AP3D1: variants seen among roughly 807,000 people sequenced by gnomAD.
AP3D1 encodes AP-3 complex subunit delta-1.
A neutral mutation model predicts 147.6 loss-of-function variants in AP3D1; 51 were observed. That is an observed-to-expected ratio of 0.35 (90% CI 0.28 to 0.44). The LOEUF (loss-of-function observed/expected upper bound fraction) is 0.44, where lower values mean the gene tolerates loss of function less well. AP3D1 is among the 20% of genes least tolerant of loss of function. The pLI is 1.00. For missense variants in AP3D1, 1,421 were observed against 1,624.2 expected (o/e 0.87, Z 2.15); for synonymous variants, 760 against 663.0 (o/e 1.15, Z -2.25).
At chr19:2,120,746 G>A (rs1197215933) in intron 14 of AP3D1, 116 bp downstream of exon 14, 15 of 1,038,562 alleles carry the variant, frequency 1.4e-5, no homozygotes, top group African/African-American at 3.2e-5. Context: ...CCTGCAAGAC[G>A]GCCGGGGTGG....
intron 8 of AP3D1, among the ~76,000 whole-genome samples, chr19:2,128,482 ACACTGCACCCCGTGGAGCCGGCCCG>A (rs1568294667): frequency 0.013 from 1,266 of 95,650 alleles, 5 homozygotes; most frequent in Non-Finnish European, 0.015. Flanking sequence ...CGCCGCTCCG[ACACTGCACCCCGTGGAGCCGGCCCG>A]CCCCACAGCT....
At chr19:2,137,232 G>T in intron 3 of AP3D1, 141 bp from the exon 4 acceptor site, 1 of 691,802 alleles carries the variant, frequency 1.4e-6, no homozygotes, top group Non-Finnish European at 2.5e-6. Flanking sequence ...CCACCAGCAA[G>T]TGGGAACCAA....
chr19:2,111,039 G>T, intron 26 of AP3D1, 143 bp from the exon 27 acceptor site: 1 of 998,308 alleles, frequency 1.0e-6, no homozygotes, highest in South Asian at 1.6e-5. Context: ...CTAGCCGCAG[G>T]CCAAGCGCCT....
At chr19:2,123,961 C>T in intron 9 of AP3D1, 82 bp from the exon 10 acceptor site, 2 of 1,455,310 alleles carry the variant, frequency 1.4e-6, no homozygotes, top group Admixed American at 2.0e-5. Context: ...GGCACCAGCA[C>T]CCCCTCGCCG....
chr19:2,146,607 CAAA>C (rs397859951), intron 1 of AP3D1, among the ~76,000 whole-genome samples: 6 of 66,666 alleles, frequency 9.0e-5, no homozygotes, highest in Admixed American at 1.5e-4. Flanking sequence ...GACCCTGTCT[CAAA>C]AAAAAAAAAA....
At chr19:2,129,717 C>A (rs571929777) in intron 6 of AP3D1, among the ~76,000 whole-genome samples, 1 of 152,346 alleles carries the variant, frequency 6.6e-6, no homozygotes, top group South Asian at 2.1e-4. Flanking sequence ...ACAAGCGTCA[C>A]CAAGCTCAGG....
At chr19:2,120,094 T>G (rs2018568153) in intron 14 of AP3D1, among the ~76,000 whole-genome samples, 1 of 152,058 alleles carries the variant, frequency 6.6e-6, no homozygotes, top group South Asian at 2.1e-4. Flanking sequence ...GTGGCCGTGA[T>G]GAGCAGCAGG....
Position 2,130,398 on chromosome 19 carries a change from A to C in AP3D1, c.592+10T>G. Reference sequence around the variant, plus strand: ...CCCTCAACCCTGAGGCTTAACTCAAATCCACAAACCGGGGTCGGGGTCCTC... The same window carrying C: ...CCCTCAACCCTGAGGCTTAACTCAACTCCACAAACCGGGGTCGGGGTCCTC... On this transcript the variant is annotated intron_variant, in intron 6 of 31. Transcript: ENST00000643116. The C allele has an allele frequency of 6.2e-7, 1 of 1,613,582 alleles. No individual in the cohort carries two copies. The highest frequency in any genetic ancestry group is 8.5e-7 in the Non-Finnish European group (1 of 1,179,844).
chr19:2,127,049 G>A lies in AP3D1; in HGVS notation c.856+103C>T, dbSNP rs2018776650. 8.0e-6 allele frequency: 10 copies of A among 1,255,008 alleles called. No homozygotes were observed. The South Asian group carries it at 1.2e-4, about 15-fold the overall frequency. The allele number at this position is 1,255,008 out of a possible 1,614,324, so 77.7% of individuals were successfully genotyped here. Reference sequence around the variant, plus strand: ...CAGCTTTCCTTCTCAGTTCCAGCAGGGGTGGCGCTCGGAGACACCAGGCCT... The same window carrying A: ...CAGCTTTCCTTCTCAGTTCCAGCAGAGGTGGCGCTCGGAGACACCAGGCCT... On this transcript the variant is annotated intron_variant, in intron 9 of 31. Transcript: ENST00000643116.
chr19:2,150,862 G>A (rs1388759408), intron 1 of AP3D1, among the ~76,000 whole-genome samples: 1 of 152,208 alleles, frequency 6.6e-6, no homozygotes, highest in South Asian at 2.1e-4. Context: ...TCTCCTGGGA[G>A]GGTGGCCCGA....
upstream of AP3D1, among the ~76,000 whole-genome samples, chr19:2,153,463 G>T (rs1457859624): frequency 6.6e-6 from 1 of 152,152 alleles, no homozygotes; most frequent in African/African-American, 2.4e-5. Context: ...ATCACTTGAG[G>T]TCAGGAGTTT....
At chr19:2,137,464 C>T (rs143416148) in intron 3 of AP3D1, among the ~76,000 whole-genome samples, 154 of 152,128 alleles carry the variant, frequency 1.0e-3, no homozygotes, top group African/African-American at 3.4e-3. Flanking sequence ...TAGCCGCGTG[C>T]GCCACCACGC....
chr19:2,156,841 C>T (rs1444452085), intron 1 of AP3D1, among the ~76,000 whole-genome samples: 1 of 151,818 alleles, frequency 6.6e-6, no homozygotes, highest in Admixed American at 6.6e-5. Context: ...GAGCGAGACT[C>T]TGTCTCAAAA....
chr19:2,142,682 G>T (rs560995057), intron 1 of AP3D1, among the ~76,000 whole-genome samples: 23 of 152,302 alleles, frequency 1.5e-4, no homozygotes, highest in Non-Finnish European at 3.2e-4. Context: ...CTGAGGGCCT[G>T]GGAGCTCACC....
chr19:2,110,002 C>T (rs1211787836), intron 28 of AP3D1, 44 bp from the exon 29 acceptor site: 5 of 1,607,526 alleles, frequency 3.1e-6, no homozygotes, highest in Non-Finnish European at 4.3e-6. Flanking sequence ...GGAGTCGGGC[C>T]CAGCTCAGGG....
chr19:2,137,733 G>A lies in AP3D1; in HGVS notation c.267C>T (p.Thr89=). ...TGCCGTCCCAGAACCTCACCTTGAA[G>A]GTGAACTTGGAGGCACTCATCACTT... ...IIEVMSASKF[T]FKRIGYLAAS... is the part of the protein sequence containing the mutation. The change falls in exon 3 of 32, where the codon ACC becomes ACT. Residue 89 remains threonine (T), a synonymous_variant. Transcript: ENST00000643116. 1.2e-6 allele frequency: 2 copies of A among 1,613,934 alleles called. No individual in the cohort carries two copies. Among genetic ancestry groups the A allele is most frequent in the Non-Finnish European group, 8.5e-7 (1 of 1,179,892 alleles).
At chr19:2,119,205 G>A (rs529329087) in intron 14 of AP3D1, among the ~76,000 whole-genome samples, 7 of 152,300 alleles carry the variant, frequency 4.6e-5, no homozygotes, top group South Asian at 2.1e-4. Context: ...CCTCACTGGC[G>A]TCTGACACAA....
At chr19:2,102,337 T>C (rs2017978425) in intron 31 of AP3D1, 69 bp from the exon 32 acceptor site, 1 of 1,400,448 alleles carries the variant, frequency 7.1e-7, no homozygotes, top group Non-Finnish European at 1.0e-6. Flanking sequence ...CTCAAGTCTG[T>C]GATCCCAGCA....
intron 6 of AP3D1, among the ~76,000 whole-genome samples, chr19:2,130,089 T>G (rs1185018114): frequency 2.6e-5 from 4 of 152,214 alleles, no homozygotes; most frequent in African/African-American, 7.2e-5. Flanking sequence ...ACATATGGTC[T>G]AGACCATCCC....
Sources: gnomAD v4.1 joint callset for allele counts (sites outside exome capture counted in the v4.1 genomes callset) on GRCh38, gnomAD v4.1.1 for gene constraint, MANE v1.5 for transcripts, NCBI Gene and HGNC (gene_info 2026-07-23, HGNC 2026-07-21) for gene names.